Variants in ETS2 observed in about 807,000 individuals in gnomAD.
The protein encoded by ETS2 is protein C-ets-2.
Under a neutral mutation model 54.9 loss-of-function variants are expected in ETS2, and 19 were observed. The observed-to-expected ratio is 0.35, with a 90% CI of 0.24 to 0.51. The LOEUF (loss-of-function observed/expected upper bound fraction) is 0.51, where lower values mean the gene tolerates loss of function less well. Ranked by LOEUF, ETS2 falls within the 20% of genes least tolerant of loss-of-function variation. The pLI is 0.97. For missense variants in ETS2, 417 were observed against 593.0 expected, an observed-to-expected ratio of 0.70 and a Z score of 3.08; for synonymous variants, 219 against 229.3, an observed-to-expected ratio of 0.95 and a Z score of 0.41.
chr21:38,821,607 G>T lies in ETS2; in HGVS notation c.1097G>T (p.Trp366Leu), dbSNP rs1262150746. 2 of 1,613,676 alleles carry T rather than the reference G, an allele frequency of 1.2e-6. No homozygotes were observed. The highest frequency in any genetic ancestry group is 1.7e-6 in the Non-Finnish European group (2 of 1,179,594). ...GFTGSGPIQL[W>L]QFLLELLSDK... ...GCAGGAAGTGGACCTATTCAGCTGT[G>T]GCAGTTTCTCCTGGAGCTGCTATCA... The change falls in exon 9 of 10, where the codon TGG (tryptophan) becomes TTG (leucine). Residue 366 changes from tryptophan to leucine, a missense_variant. Around this residue, in one of 3 missense-constraint regions of ETS2, gnomAD observed 60 missense variants for 134.1 expected, o/e 0.45. Coordinates refer to ENST00000360938, the MANE Select transcript of ETS2 (RefSeq NM_005239.6). This position sits in a 1 kb window ranked among gnomAD's most constrained non-coding sequence, Gnocchi z 4.2.
chr21:38,815,457 A>G (rs2060929324), intron 5 of ETS2, among the ~76,000 whole-genome samples: 1 of 152,082 alleles, frequency 6.6e-6, no homozygotes, highest in South Asian at 2.1e-4. Context: ...TTGGATGTTG[A>G]GGATTGTTGA....
intron 3 of ETS2, among the ~76,000 whole-genome samples, chr21:38,813,480 G>T (rs1285321203): frequency 1.3e-5 from 2 of 152,198 alleles, no homozygotes; most frequent in Non-Finnish European, 2.9e-5. Flanking sequence ...TGTAATTTGG[G>T]TTTGCATCAT....
At position 38,814,891 on chromosome 21, in the gene ETS2, C is replaced by T; in HGVS notation, c.415C>T (p.Leu139=). The part of the protein sequence containing the change: ...LQRFGMNGQM[L]CNLGKERFLE... ...GAGGTTCGGCATGAATGGCCAGATG[C>T]TGTGTAACCTTGGCAAGGAACGCTT... The change falls in exon 5 of 10, where the codon CTG becomes TTG. Residue 139 remains leucine, a synonymous_variant. Coordinates refer to ENST00000360938, the MANE Select transcript of ETS2 (RefSeq NM_005239.6). This position sits in a 1 kb window ranked among gnomAD's most constrained non-coding sequence, Gnocchi z 4.2. The T allele has an allele frequency of 6.2e-7, 1 of 1,614,170 alleles. No individual in the cohort carries two copies. Among genetic ancestry groups the T allele is most frequent in the Non-Finnish European group, 8.5e-7 (1 of 1,180,016 alleles).
At position 38,814,800 on chromosome 21, in the gene ETS2, G is replaced by A; in HGVS notation, c.324G>A (p.Glu108=). The change falls in exon 5 of 10, where the codon GAG becomes GAA. Residue 108 remains glutamate (E), a synonymous_variant. Coordinates refer to ENST00000360938, the MANE Select transcript of ETS2 (RefSeq NM_005239.6). This position sits in a 1 kb window ranked among gnomAD's most constrained non-coding sequence, Gnocchi z 4.2. ...GIPKNPWLWS[E]QQVCQWLLWA... ...TGGTAGACCCCTGGCTGTGGAGTGAGCAACAGGTATGCCAGTGGCTTCTCT... is the reference window on the plus strand; with the variant it reads ...TGGTAGACCCCTGGCTGTGGAGTGAACAACAGGTATGCCAGTGGCTTCTCT... The A allele has an allele frequency of 6.2e-7, 1 of 1,614,134 alleles. No individual in the cohort carries two copies. Among genetic ancestry groups the A allele is most frequent in the Non-Finnish European group, 8.5e-7 (1 of 1,179,996 alleles).
intron 7 of ETS2, 150 bp downstream of exon 7, chr21:38,818,796 C>T: frequency 1.1e-6 from 1 of 908,380 alleles, no homozygotes; most frequent in East Asian, 2.6e-5. Flanking sequence ...AACAAGCATA[C>T]CCCTAATATG....
At chr21:38,819,959 G>A (rs992728798) in intron 8 of ETS2, among the ~76,000 whole-genome samples, 193 bp downstream of exon 8, 4 of 152,198 alleles carry the variant, frequency 2.6e-5, no homozygotes, top group Non-Finnish European at 4.4e-5. Flanking sequence ...GAATTTTCAT[G>A]TACACAGAGC....
In ETS2 at chr21:38,806,604, C is replaced by G; in HGVS notation, c.-1+484C>G. ...TGGAGCGGCGCCGGGCCCGGAGGAT[C>G]TGGGGCGCCCAAGACACCTGAAGGC... On this transcript the variant is annotated intron_variant, in intron 1 of 9. Transcript: ENST00000360938. The surrounding 1 kb of genome is among the most constrained non-coding windows in gnomAD (Gnocchi z 4.3). The G allele has an allele frequency of 1.0e-6, 1 of 985,346 alleles. No homozygotes were observed. Among genetic ancestry groups the G allele is most frequent in the Non-Finnish European group, 1.2e-6 (1 of 829,938 alleles). The allele number at this position is 985,346 out of a possible 1,614,324, so 61.0% of individuals were successfully genotyped here.
At chr21:38,816,759 A>T (rs767704722) in intron 5 of ETS2, among the ~76,000 whole-genome samples, 6 of 152,234 alleles carry the variant, frequency 3.9e-5, no homozygotes, top group Admixed American at 6.5e-5. Flanking sequence ...TTGCGATAGA[A>T]AATTTAGTGT....
At position 38,806,555 on chromosome 21, in the gene ETS2, G is replaced by A. The variant is rs867491186; in HGVS notation, c.-1+435G>A. ...GAGAGCGTGTCCGAGGTGGCCTGGC[G>A]CCCCGGCTTTGAGGGTGACTTCCTG... On this transcript the variant is annotated intron_variant, in intron 1 of 9. Coordinates refer to ENST00000360938, the MANE Select transcript of ETS2 (RefSeq NM_005239.6). The surrounding 1 kb of genome is among the most constrained non-coding windows in gnomAD (Gnocchi z 4.3). 6 of 985,378 alleles carry A rather than the reference G, an allele frequency of 6.1e-6. No homozygotes were observed. Among genetic ancestry groups the A allele is most frequent in the African/African-American group, 5.2e-5 (3 of 57,238 alleles). The allele number at this position is 985,378 out of a possible 1,614,324, so 61.0% of individuals were successfully genotyped here. A position where few individuals can be genotyped will look rare whatever the true frequency, so the allele number is the denominator to read the frequency against.
In ETS2 at chr21:38,806,817, G is replaced by A. The variant is rs2060895130; in HGVS notation, c.-1+697G>A. 1 of 985,372 alleles carries A rather than the reference G, an allele frequency of 1.0e-6. No individual in the cohort carries two copies. The highest frequency in any genetic ancestry group is 1.2e-6 in the Non-Finnish European group (1 of 829,960). The allele number at this position is 985,372 out of a possible 1,614,324, so 61.0% of individuals were successfully genotyped here. A position where few individuals can be genotyped will look rare whatever the true frequency, so the allele number is the denominator to read the frequency against. Reference sequence around the variant, plus strand: ...AGCATTTGAATGAAGAGGTAACTGAGTGTTTGCTTGTGTGTGTTTGGGTTG... The same window carrying A: ...AGCATTTGAATGAAGAGGTAACTGAATGTTTGCTTGTGTGTGTTTGGGTTG... On this transcript the variant is annotated intron_variant, in intron 1 of 9. Transcript: ENST00000360938. This position sits in a 1 kb window ranked among gnomAD's most constrained non-coding sequence, Gnocchi z 4.3.
At chr21:38,809,929 C>A in intron 1 of ETS2, 106 bp from the exon 2 acceptor site, 1 of 674,174 alleles carries the variant, frequency 1.5e-6, no homozygotes, top group Non-Finnish European at 2.5e-6. Context: ...TTTTGAATTA[C>A]CTGTTAGCTG....
chr21:38,805,721 C>A, upstream of ETS2: 1 of 994,158 alleles, frequency 1.0e-6, no homozygotes, highest in Non-Finnish European at 1.3e-6. The surrounding 1 kb of genome is among the most constrained non-coding windows in gnomAD (Gnocchi z 5.2). Context: ...CTCCCCCAAC[C>A]CTCCTGCTGC....
chr21:38,822,384 A>G (rs6517481), intron 9 of ETS2, among the ~76,000 whole-genome samples: 56,938 of 152,038 alleles, frequency 0.37, 10,790 homozygotes, highest in East Asian at 0.42. Flanking sequence ...CCCTGGTCTC[A>G]GGACCCTCCT....
intron 6 of ETS2, 106 bp from the exon 7 acceptor site, chr21:38,818,319 A>G: frequency 2.7e-6 from 4 of 1,490,354 alleles, no homozygotes; most frequent in Non-Finnish European, 3.7e-6. Flanking sequence ...GAGGTTCTGC[A>G]GAGGGCTGGA....
intron 1 of ETS2, among the ~76,000 whole-genome samples, chr21:38,807,463 C>T (rs535758903): frequency 1.4e-5 from 2 of 140,124 alleles, no homozygotes; most frequent in South Asian, 4.5e-4. Context: ...CCATCAGCAA[C>T]ACCAAACTTG....
At chr21:38,805,784 CTCT>C (rs1438235822), upstream of ETS2, 3 of 829,024 alleles carry the variant, frequency 3.6e-6, no homozygotes, top group Non-Finnish European at 4.8e-6. The surrounding 1 kb of genome is among the most constrained non-coding windows in gnomAD (Gnocchi z 5.2). Flanking sequence ...CCTTCCCCTC[CTCT>C]TCTCTCTCCT....
At chr21:38,812,866 G>C (rs2060919002) in intron 2 of ETS2, 137 bp from the exon 3 acceptor site, 1 of 635,614 alleles carries the variant, frequency 1.6e-6, no homozygotes, top group African/African-American at 1.8e-5. Flanking sequence ...GGACTGACTG[G>C]TTGATTCCAT....
In ETS2 at chr21:38,824,634, A is replaced by C. The variant is rs1403727498; in HGVS notation, c.*1745A>C. 1 of 152,566 alleles carries C rather than the reference A, an allele frequency of 6.6e-6. No individual in the cohort carries two copies. Among genetic ancestry groups the C allele is most frequent in the Non-Finnish European group, 1.5e-5 (1 of 68,044 alleles). The allele number at this position is 152,566 out of a possible 1,614,324, so 9.5% of individuals were successfully genotyped here. ...CAAAAGACCATTCCCAGTATACATA[A>C]GCACAGGATGTTTTTCTCAAGAGGG... On this transcript the variant is annotated 3_prime_UTR_variant, in exon 10 of 10. Coordinates refer to ENST00000360938, the MANE Select transcript of ETS2 (RefSeq NM_005239.6).
intron 1 of ETS2, 22 bp from the exon 2 acceptor site, chr21:38,810,013 C>CTT: frequency 1.0e-4 from 125 of 1,190,850 alleles, no homozygotes; most frequent in Admixed American, 2.5e-4. Context: ...GCCTCTTTGA[C>CTT]TTTTTTTTTT....
Sources: gnomAD v4.1 joint callset for allele counts (sites outside exome capture counted in the v4.1 genomes callset) on GRCh38, gnomAD v4.1.1 for gene constraint, gnomAD v4.1.1 regional missense constraint, Gnocchi (gnomAD v3.1) non-coding constraint, MANE v1.5 for transcripts, NCBI Gene and HGNC (gene_info 2026-07-23, HGNC 2026-07-21) for gene names.